C19orf47: variants seen among roughly 807,000 people sequenced by gnomAD.
C19orf47 encodes the protein chromosome 19 open reading frame 47, also known as uncharacterized protein C19orf47.
In C19orf47, 18 loss-of-function variants were observed where a neutral mutation model predicts 32.3. The observed-to-expected ratio is 0.56, with a 90% CI of 0.39 to 0.83. The LOEUF is 0.83. Ranked by LOEUF, C19orf47 falls within the 40% of genes least tolerant of loss-of-function variation. C19orf47 has a pLI of 0.00. For missense variants in C19orf47, 484 were observed against 531.6 expected (o/e 0.91, Z 0.88); for synonymous variants, 202 against 211.1 (o/e 0.96, Z 0.37).
chr19:40,333,366 T>A (rs1261904099), intron 5 of C19orf47, among the ~76,000 whole-genome samples: 1 of 151,852 alleles, frequency 6.6e-6, no homozygotes, highest in Non-Finnish European at 1.5e-5. Context: ...GTAAGAAGGG[T>A]ATGATGTACC....
At chr19:40,333,213 G>A (rs756590767) in intron 5 of C19orf47, among the ~76,000 whole-genome samples, 9 of 151,554 alleles carry the variant, frequency 5.9e-5, no homozygotes, top group Non-Finnish European at 1.2e-4. Context: ...AGCTGAGATC[G>A]TGCCACTGTA....
intron 6 of C19orf47, 103 bp downstream of exon 6, chr19:40,328,310 G>A (rs2077875186): frequency 2.7e-6 from 4 of 1,491,696 alleles, no homozygotes; most frequent in Non-Finnish European, 3.6e-6. Context: ...TATACCTTGT[G>A]GCCTTCAAAG....
downstream of C19orf47, among the ~76,000 whole-genome samples, chr19:40,315,688 G>A (rs2077657326): frequency 1.3e-5 from 2 of 151,642 alleles, no homozygotes; most frequent in South Asian, 4.2e-4. Flanking sequence ...GCTGAGGCAG[G>A]AGAATTGCTT....
the C19orf47 span, among the ~76,000 whole-genome samples, chr19:40,308,447 G>A: frequency 2.7e-5 from 4 of 149,288 alleles, no homozygotes; most frequent in East Asian, 8.0e-4. Flanking sequence ...GAGCCACCAC[G>A]CCCAGCCAGA....
chr19:40,335,729 C>T (rs1429446415), intron 4 of C19orf47, among the ~76,000 whole-genome samples: 1 of 152,072 alleles, frequency 6.6e-6, no homozygotes, highest in East Asian at 1.9e-4. Context: ...CCTGCCTCAG[C>T]CTCCCAAGTA....
chr19:40,308,914 TA>T, the C19orf47 span, among the ~76,000 whole-genome samples: 1 of 151,970 alleles, frequency 6.6e-6, no homozygotes, highest in Non-Finnish European at 1.5e-5. Context: ...TACAAAAAAT[TA>T]AAAAATTAGC....
intron 4 of C19orf47, among the ~76,000 whole-genome samples, chr19:40,334,673 GGGAGGT>G (rs1230841073): frequency 2.0e-5 from 3 of 152,122 alleles, no homozygotes; most frequent in Non-Finnish European, 4.4e-5. Context: ...TCTTGAACTT[GGGAGGT>G]GGAGACTGCA....
intron 6 of C19orf47, among the ~76,000 whole-genome samples, chr19:40,328,163 C>T (rs896647447): frequency 1.3e-5 from 2 of 152,146 alleles, no homozygotes; most frequent in African/African-American, 4.8e-5. Context: ...TGCCTCAACA[C>T]ACCAACTCAG....
downstream of C19orf47, among the ~76,000 whole-genome samples, chr19:40,318,662 G>A (rs778263481): frequency 2.1e-4 from 32 of 152,160 alleles, no homozygotes; most frequent in East Asian, 2.1e-3. Context: ...GCGGCCCCTG[G>A]AATCTGAGGG....
At chr19:40,294,178 C>T in the C19orf47 span, among the ~76,000 whole-genome samples, 2 of 152,210 alleles carry the variant, frequency 1.3e-5, no homozygotes, top group South Asian at 2.1e-4. Context: ...TGGTGCCCAA[C>T]GTGGGGCATC....
At chr19:40,312,145 T>G in the C19orf47 span, among the ~76,000 whole-genome samples, 1 of 152,326 alleles carries the variant, frequency 6.6e-6, no homozygotes, top group South Asian at 2.1e-4. Context: ...CAAGGAGATG[T>G]TGACTTCCTC....
At chr19:40,347,258 G>A (rs936918024) in intron 1 of C19orf47, among the ~76,000 whole-genome samples, 1 of 152,002 alleles carries the variant, frequency 6.6e-6, no homozygotes, top group African/African-American at 2.4e-5. Context: ...CGCCGGGCAC[G>A]GTGGCTCACA....
At chr19:40,309,686 C>CAA in the C19orf47 span, among the ~76,000 whole-genome samples, 7 of 136,662 alleles carry the variant, frequency 5.1e-5, no homozygotes, top group African/African-American at 1.8e-4. Context: ...GACCTTATCT[C>CAA]AAAAAAAAAA....
At chr19:40,345,584 G>A (rs949944080) in intron 1 of C19orf47, among the ~76,000 whole-genome samples, 4 of 148,040 alleles carry the variant, frequency 2.7e-5, no homozygotes, top group Non-Finnish European at 5.9e-5. Context: ...GCTCACGCCT[G>A]TAATCACAGC....
At chr19:40,303,205 G>T in the C19orf47 span, among the ~76,000 whole-genome samples, 2 of 151,146 alleles carry the variant, frequency 1.3e-5, no homozygotes, top group African/African-American at 4.9e-5. Context: ...TCCAGCCTGG[G>T]CAACAAGAAC....
chr19:40,321,428 G>A lies in C19orf47; in HGVS notation c.*454C>T, dbSNP rs2077715914. On this transcript the variant is annotated 3_prime_UTR_variant, in exon 9 of 9. Coordinates refer to ENST00000683109, the MANE Select transcript of C19orf47 (RefSeq NM_001256441.2). ...GAGAGAGAAGTCACAGCAGTGGGGG[G>A]AGGCGCAGAGGAGTGAGGGAGGTCA... The A allele has an allele frequency of 2.0e-6, 2 of 998,974 alleles. No homozygotes were observed. The highest frequency in any genetic ancestry group is 1.7e-5 in the African/African-American group (1 of 57,582). The allele number at this position is 998,974 out of a possible 1,614,324, so 61.9% of individuals were successfully genotyped here.
intron 7 of C19orf47, among the ~76,000 whole-genome samples, 185 bp downstream of exon 7, chr19:40,326,149 C>G (rs1049054165): frequency 6.6e-6 from 1 of 152,200 alleles, no homozygotes; most frequent in African/African-American, 2.4e-5. Context: ...ACTGCAGGAT[C>G]AGAGGGCAGA....
At chr19:40,297,350 G>T in the C19orf47 span, among the ~76,000 whole-genome samples, 1 of 152,086 alleles carries the variant, frequency 6.6e-6, no homozygotes, top group African/African-American at 2.4e-5. Context: ...CAGATTAGTT[G>T]AAGTCAGGAG....
the C19orf47 span, among the ~76,000 whole-genome samples, chr19:40,309,275 T>C: frequency 2.7e-5 from 4 of 148,326 alleles, no homozygotes; most frequent in Non-Finnish European, 4.5e-5. Flanking sequence ...CACTACAACC[T>C]CCAACTCCCA....
Sources: allele counts gnomAD v4.1 joint callset (sites outside exome capture counted in the v4.1 genomes callset), GRCh38; gene constraint gnomAD v4.1.1; transcripts MANE v1.5; gene names NCBI Gene and HGNC (gene_info 2026-07-23, HGNC 2026-07-21).